Variants in MTUS2 observed in about 807,000 individuals in gnomAD.
MTUS2 encodes microtubule-associated tumor suppressor candidate 2.
MTUS2 carries 40 observed loss-of-function variants against 114.1 expected under a neutral mutation model. The observed-to-expected ratio is 0.35, with a 90% CI of 0.27 to 0.46. The LOEUF (loss-of-function observed/expected upper bound fraction) is 0.46. MTUS2 is among the 20% of genes least tolerant of loss of function. The probability of loss-of-function intolerance (pLI) is 1.00; values close to 1 mark genes in which losing one functional copy is unlikely to be tolerated. For synonymous variants in MTUS2, 688 were observed against 672.0 expected (o/e 1.02, Z -0.37); for missense variants, 1,679 against 1,705.4 (o/e 0.98, Z 0.27).
intron 9 of MTUS2, among the ~76,000 whole-genome samples, chr13:29,442,725 C>G (rs1050198306): frequency 1.6e-4 from 25 of 152,206 alleles, no homozygotes; most frequent in African/African-American, 6.0e-4. Context: ...CCCAGGGTGC[C>G]TCAGCACACA....
At chr13:28,848,233 T>C (rs986765396) in intron 2 of MTUS2, among the ~76,000 whole-genome samples, 4 of 152,184 alleles carry the variant, frequency 2.6e-5, no homozygotes, top group South Asian at 2.1e-4. Flanking sequence ...TACTATCTAT[T>C]GGTATAGCCC....
chr13:29,224,139 C>A (rs1896015426), intron 5 of MTUS2, among the ~76,000 whole-genome samples: 1 of 152,172 alleles, frequency 6.6e-6, no homozygotes, highest in African/African-American at 2.4e-5. Flanking sequence ...TGGAACGAGC[C>A]CAGTGGACCC....
intron 5 of MTUS2, among the ~76,000 whole-genome samples, chr13:29,256,548 A>G (rs1897289649): frequency 6.6e-6 from 1 of 152,226 alleles, no homozygotes; most frequent in African/African-American, 2.4e-5. Context: ...CATGTCCTAA[A>G]TCTCTTCAGG....
At chr13:29,258,410 A>C (rs1437207674) in intron 5 of MTUS2, among the ~76,000 whole-genome samples, 1 of 152,084 alleles carries the variant, frequency 6.6e-6, no homozygotes, top group Non-Finnish European at 1.5e-5. Flanking sequence ...CTTTTCAAGG[A>C]CTCATGTGCT....
At chr13:29,175,245 G>T (rs140689805) in intron 5 of MTUS2, among the ~76,000 whole-genome samples, 2 of 152,210 alleles carry the variant, frequency 1.3e-5, no homozygotes, top group African/African-American at 2.4e-5. Context: ...AAAGATAAAA[G>T]AATATGCCTC....
chr13:28,964,739 C>CTTTTTTTTTTTTTTTTTTTTTTTTTTT (rs771989715), intron 2 of MTUS2, among the ~76,000 whole-genome samples: 3 of 147,194 alleles, frequency 2.0e-5, no homozygotes, highest in Non-Finnish European at 3.0e-5. Flanking sequence ...GTACAAGAAG[C>CTTTTTTTTTTTTTTTTTTTTTTTTTTT]TTTTTTGTGT....
intron 6 of MTUS2, among the ~76,000 whole-genome samples, chr13:29,318,391 CTT>C (rs71090240): frequency 7.4e-6 from 1 of 135,034 alleles, no homozygotes; most frequent in African/African-American, 2.8e-5. Context: ...ATTTCTTTTT[CTT>C]TTTTTTTTTG....
At chr13:29,114,940 A>G (rs1891027125) in intron 5 of MTUS2, among the ~76,000 whole-genome samples, 1 of 152,240 alleles carries the variant, frequency 6.6e-6, no homozygotes, top group South Asian at 2.1e-4. Flanking sequence ...TTTCTGTGGC[A>G]TACACATCTT....
chr13:29,026,556 G>A lies in MTUS2; in HGVS notation c.1858G>A (p.Val620Ile), dbSNP rs200958791. ...GCAGGAGGGAATGGAGAACTATCAG[G>A]TTGAAAAAACAGAGGAGAGGACAGA... ...SSQEGMENYQVEKTEERTETK... is the reference protein window; with the variant it reads ...SSQEGMENYQIEKTEERTETK... The change falls in exon 3 of 16, where the codon GTT becomes ATT. Residue 620 changes from valine to isoleucine, a missense_variant. This residue lies in a region of MTUS2 where 843 missense variants were observed against 770.8 expected (regional missense o/e 1.09). Transcript: ENST00000612955. 6 of 1,613,874 alleles carry A rather than the reference G, an allele frequency of 3.7e-6. No individual in the cohort carries two copies. Among genetic ancestry groups the A allele is most frequent in the South Asian group, 1.1e-5 (1 of 91,078 alleles).
At chr13:29,064,265 T>C (rs1335439858) in intron 4 of MTUS2, among the ~76,000 whole-genome samples, 1 of 152,048 alleles carries the variant, frequency 6.6e-6, no homozygotes, top group Non-Finnish European at 1.5e-5. Context: ...GCAGCTTCTT[T>C]AGGAAACGGG....
intron 2 of MTUS2, among the ~76,000 whole-genome samples, chr13:29,007,753 C>T (rs372391857): frequency 6.6e-6 from 1 of 152,018 alleles, no homozygotes; most frequent in East Asian, 1.9e-4. Context: ...ATTTTCTTTC[C>T]CTCTCGCTTT....
rs374822597 is a variant in MTUS2 at position 29,487,941 on chromosome 13, G to A, written c.3441G>A (p.Glu1147=). Residue 1147 remains glutamate, a synonymous_variant, in exon 11 of 16, where the codon GAG becomes GAA. Transcript: ENST00000612955. Reference sequence around the variant, plus strand: ...CCAGCCATGATGCTGCTCTCCTAGAGATGGAAAATAACCACACAGTTGCCA... The same window carrying A: ...CCAGCCATGATGCTGCTCTCCTAGAAATGGAAAATAACCACACAGTTGCCA... The part of the protein sequence containing the change: ...LTASHDAALL[E]MENNHTVAIT... 6.2e-6 allele frequency: 10 copies of A among 1,614,162 alleles called. No individual in the cohort carries two copies. The African/African-American group carries it at 1.3e-4, about 22-fold the overall frequency.
At chr13:29,057,343 A>C (rs1157050134) in intron 4 of MTUS2, among the ~76,000 whole-genome samples, 1 of 152,072 alleles carries the variant, frequency 6.6e-6, no homozygotes, top group Admixed American at 6.6e-5. Context: ...CAGGTTCTGA[A>C]AATCTTTGTT....
chr13:29,495,420 A>G (rs1052910283), intron 12 of MTUS2, among the ~76,000 whole-genome samples: 2 of 151,332 alleles, frequency 1.3e-5, no homozygotes, highest in African/African-American at 4.9e-5. Context: ...AGGAAAAGAA[A>G]CCTACTCAGG....
chr13:28,882,217 C>T (rs894090507), intron 2 of MTUS2, among the ~76,000 whole-genome samples: 2 of 152,004 alleles, frequency 1.3e-5, no homozygotes, highest in Non-Finnish European at 2.9e-5. Context: ...ATGCCATCCA[C>T]CTGGCAAATT....
chr13:29,497,339 C>T lies in MTUS2; in HGVS notation c.3678+3C>T, dbSNP rs1318154397. ...AGAACACAGAGGAGCAGCTGGAGGT[C>T]GTTTCTGGATTCCAGGCTTCCAGCC... is the stretch of plus-strand genomic sequence containing the variant. On this transcript the variant is annotated splice_donor_region_variant and intron_variant, in intron 13 of 15. Coordinates refer to ENST00000612955, the MANE Select transcript of MTUS2 (RefSeq NM_001033602.4). 2.5e-6 allele frequency: 4 copies of T among 1,609,072 alleles called. No homozygotes were observed. Among genetic ancestry groups the T allele is most frequent in the South Asian group, 2.2e-5 (2 of 90,392 alleles).
intron 5 of MTUS2, among the ~76,000 whole-genome samples, chr13:29,192,806 T>G (rs1894501637): frequency 6.6e-6 from 1 of 152,186 alleles, no homozygotes; most frequent in Non-Finnish European, 1.5e-5. Context: ...GAACCCAAAC[T>G]GGTGTATTAT....
rs1281459015 is a variant in MTUS2 at position 29,113,036 on chromosome 13, G to A, written c.2644+12066G>A. On this transcript the variant is annotated intron_variant, in intron 5 of 15. Coordinates refer to ENST00000612955, the MANE Select transcript of MTUS2 (RefSeq NM_001033602.4). ...AGGTTGGAAAACATGATTTTATACC[G>A]GAAACAATCTGATGGATTTTAGGGC... Among the ~76,000 whole-genome samples, 5 of 152,154 alleles carry A rather than the reference G, an allele frequency of 3.3e-5. No homozygotes were observed. The South Asian group carries it at 6.2e-4, about 19-fold the overall frequency.
Position 28,964,515 on chromosome 13 carries a change from C to T in MTUS2, c.-242-59942C>T, listed in dbSNP as rs947066406. On this transcript the variant is annotated intron_variant, in intron 2 of 15. Coordinates refer to ENST00000612955, the MANE Select transcript of MTUS2 (RefSeq NM_001033602.4). The stretch of plus-strand genomic sequence containing the variant: ...CGGCCAGTCTTGTCTTGTTCACTGG[C>T]ACAGCCACTGCACCTAAACACTGCC... 3.9e-5 allele frequency among the ~76,000 whole-genome samples: 6 copies of T among 152,036 alleles called. No homozygotes were observed. The South Asian group carries it at 6.2e-4, about 16-fold the overall frequency.
Sources: allele counts gnomAD v4.1 joint callset (sites outside exome capture counted in the v4.1 genomes callset), GRCh38; gene constraint gnomAD v4.1.1; regional missense constraint gnomAD v4.1.1; transcripts MANE v1.5; gene names NCBI Gene and HGNC (gene_info 2026-07-23, HGNC 2026-07-21).